The following COL19A1 variants were observed in gnomAD, a reference collection of about 807,000 sequenced individuals.
COL19A1 encodes the protein collagen alpha-1(XIX) chain.
COL19A1 carries 159 observed loss-of-function variants against 190.2 expected under a neutral mutation model. The observed-to-expected ratio is 0.84, with a 90% CI of 0.73 to 0.95. COL19A1 has a LOEUF of 0.95. Among genes scored for constraint, COL19A1 ranks in the 40% least tolerant of loss-of-function variants. The pLI is 0.00. For missense variants in COL19A1, 1,418 were observed against 1,431.9 expected (o/e 0.99, Z 0.16); for synonymous variants, 509 against 458.9 (o/e 1.11, Z -1.39).
intron 1 of COL19A1, among the ~76,000 whole-genome samples, chr6:69,875,401 T>G (rs1768074789): frequency 6.6e-6 from 1 of 152,240 alleles, no homozygotes; most frequent in Non-Finnish European, 1.5e-5. Context: ...GAACCAACTC[T>G]CATTTTAAGA....
chr6:69,880,850 A>T (rs1441609509), intron 2 of COL19A1, among the ~76,000 whole-genome samples: 1 of 152,186 alleles, frequency 6.6e-6, no homozygotes, highest in Non-Finnish European at 1.5e-5. Flanking sequence ...GTTTATTCTG[A>T]TACGATTTCT....
At chr6:69,915,976 G>A (rs1239157004) in intron 4 of COL19A1, among the ~76,000 whole-genome samples, 3 of 122,016 alleles carry the variant, frequency 2.5e-5, no homozygotes, top group South Asian at 2.6e-4. Context: ...TCTTGCTGTC[G>A]CCCAGGCTGG....
intron 11 of COL19A1, among the ~76,000 whole-genome samples, chr6:69,973,162 T>C (rs1775527702): frequency 1.3e-5 from 2 of 152,324 alleles, no homozygotes; most frequent in South Asian, 4.1e-4. Context: ...TTTTACAATG[T>C]GCCTACATTT....
intron 8 of COL19A1, among the ~76,000 whole-genome samples, chr6:69,937,492 A>G (rs1773184217): frequency 6.6e-6 from 1 of 152,114 alleles, no homozygotes; most frequent in Admixed American, 6.6e-5. Context: ...TATGGATGTT[A>G]ATGGCAGTAA....
In COL19A1 at chr6:69,996,777, T is replaced by TTTAA; in HGVS notation, c.1027-26850_1027-26849insTTAA. Among the ~76,000 whole-genome samples the TTTAA allele has an allele frequency of 1.3e-5, 2 of 152,058 alleles. 1 individual carries two copies. Among genetic ancestry groups the TTTAA allele is most frequent in the Admixed American group, 1.3e-4 (2 of 15,258 alleles). On this transcript the variant is annotated intron_variant, in intron 11 of 50. Coordinates refer to ENST00000620364, the MANE Select transcript of COL19A1 (RefSeq NM_001858.6). The stretch of plus-strand genomic sequence containing the variant: ...TTTAAAAAACTATAACAAGCTTATT[T>TTTAA]AAAACCTTTAAAAACTACAACATAA...
Position 70,207,816 on chromosome 6 carries a change from T to C in COL19A1, c.*542T>C, listed in dbSNP as rs999867996. The C allele has an allele frequency of 2.0e-5, 3 of 152,088 alleles. No individual in the cohort carries two copies. Among genetic ancestry groups the C allele is most frequent in the African/African-American group, 4.8e-5 (2 of 41,406 alleles). 9.4% of individuals were successfully genotyped at this position (152,088 alleles called of 1,614,324 possible). ...ATACCATCTACATCTATCCTACTTA[T>C]GCAGAAAAATAGGCAATAAGAACTT... On this transcript the variant is annotated 3_prime_UTR_variant, in exon 51 of 51. Coordinates refer to ENST00000620364, the MANE Select transcript of COL19A1 (RefSeq NM_001858.6).
chr6:70,089,264 G>A (rs1327370455), intron 15 of COL19A1, among the ~76,000 whole-genome samples: 1 of 151,966 alleles, frequency 6.6e-6, no homozygotes, highest in Non-Finnish European at 1.5e-5. Flanking sequence ...TCAGTTGTTG[G>A]TTTGTCAGCC....
chr6:70,047,781 C>T (rs899497642), intron 14 of COL19A1, among the ~76,000 whole-genome samples: 1 of 152,022 alleles, frequency 6.6e-6, no homozygotes, highest in Non-Finnish European at 1.5e-5. Flanking sequence ...TACTGAAATA[C>T]ATTACTAAGG....
chr6:70,138,236 G>A (rs2150231236), intron 19 of COL19A1, among the ~76,000 whole-genome samples: 1 of 152,234 alleles, frequency 6.6e-6, no homozygotes, highest in South Asian at 2.1e-4. Context: ...TGTACCTTCT[G>A]AAGTTATTTT....
intron 11 of COL19A1, among the ~76,000 whole-genome samples, chr6:69,968,357 A>T (rs1208658985): frequency 6.6e-6 from 1 of 152,126 alleles, no homozygotes; most frequent in Non-Finnish European, 1.5e-5. Flanking sequence ...AGCAATTATG[A>T]TATGTCTCAT....
chr6:70,032,106 G>A (rs528206706), intron 12 of COL19A1, among the ~76,000 whole-genome samples: 5 of 152,252 alleles, frequency 3.3e-5, no homozygotes, highest in African/African-American at 1.2e-4. Context: ...AAATTACTAA[G>A]AGGAGACATC....
At chr6:70,100,967 A>G (rs558295288) in intron 15 of COL19A1, among the ~76,000 whole-genome samples, 3 of 152,140 alleles carry the variant, frequency 2.0e-5, no homozygotes, top group African/African-American at 7.2e-5. Flanking sequence ...AACTTACTCT[A>G]CTGTTTCAAC....
intron 11 of COL19A1, among the ~76,000 whole-genome samples, chr6:70,022,548 G>T (rs1778471913): frequency 6.6e-6 from 1 of 152,160 alleles, no homozygotes; most frequent in East Asian, 1.9e-4. Context: ...TATACTATAT[G>T]CAGGGTGGGA....
At chr6:69,934,984 T>G (rs1773007339) in intron 7 of COL19A1, among the ~76,000 whole-genome samples, 1 of 151,998 alleles carries the variant, frequency 6.6e-6, no homozygotes. Flanking sequence ...GAATTTCAAA[T>G]CACACATGTT....
At chr6:69,996,978 TGTATGTGTAC>T (rs1351271670) in intron 11 of COL19A1, among the ~76,000 whole-genome samples, 8 of 149,896 alleles carry the variant, frequency 5.3e-5, no homozygotes, top group African/African-American at 2.0e-4. Context: ...TGTACATATA[TGTATGTGTAC>T]GTATGTGTGT....
intron 9 of COL19A1, among the ~76,000 whole-genome samples, chr6:69,949,885 A>G (rs1388874796): frequency 3.3e-5 from 5 of 151,898 alleles, no homozygotes; most frequent in African/African-American, 1.2e-4. Flanking sequence ...CACTTGGAGC[A>G]AAAACATATG....
intron 4 of COL19A1, among the ~76,000 whole-genome samples, chr6:69,918,911 A>G (rs1475506506): frequency 6.6e-6 from 1 of 152,106 alleles, no homozygotes; most frequent in African/African-American, 2.4e-5. Flanking sequence ...AAAACGTTCA[A>G]TTTCAGTTAT....
At chr6:70,130,872 G>A (rs1785477611) in intron 18 of COL19A1, among the ~76,000 whole-genome samples, 1 of 152,186 alleles carries the variant, frequency 6.6e-6, no homozygotes, top group East Asian at 1.9e-4. Flanking sequence ...TTGGCAAAAT[G>A]CCTCAAGCCC....
intron 37 of COL19A1, 167 bp downstream of exon 37, chr6:70,166,152 C>A: frequency 1.5e-6 from 1 of 658,718 alleles, no homozygotes; most frequent in East Asian, 2.7e-5. Context: ...GATTTGTTCT[C>A]CTTTTGGTTC....
Sources: allele counts gnomAD v4.1 joint callset (sites outside exome capture counted in the v4.1 genomes callset), GRCh38; gene constraint gnomAD v4.1.1; transcripts MANE v1.5; gene names NCBI Gene and HGNC (gene_info 2026-07-23, HGNC 2026-07-21).